RASA1: variants seen among roughly 807,000 people sequenced by gnomAD.
RASA1 encodes ras GTPase-activating protein 1.
In RASA1, 25 loss-of-function variants were observed where a neutral mutation model predicts 132.2. That is an observed-to-expected ratio of 0.19 (90% CI 0.14 to 0.26). The LOEUF is 0.26. RASA1 is among the 10% of genes least tolerant of loss of function. RASA1 has a pLI of 1.00. For synonymous variants in RASA1, 477 were observed against 449.9 expected, an observed-to-expected ratio of 1.06 and a Z score of -0.76; for missense variants, 964 against 1,299.2, an observed-to-expected ratio of 0.74 and a Z score of 3.97.
intron 1 of RASA1, among the ~76,000 whole-genome samples, chr5:87,318,014 A>T (rs867309056): frequency 1.3e-5 from 2 of 151,910 alleles, no homozygotes; most frequent in African/African-American, 4.8e-5. Context: ...CCTTTATAAT[A>T]GATAGTTGTA....
rs530867933 is a variant in RASA1, at chr5:87,380,957, G to A, written c.2690+362G>A. ...AGAAGGGCAGTAATTGACCGATTTA[G>A]ATATTAATTGGTTTGTTACAATCTG... On this transcript the variant is annotated intron_variant, in intron 20 of 24. Transcript: ENST00000274376. Among the ~76,000 whole-genome samples the A allele has an allele frequency of 1.3e-4, 20 of 152,290 alleles. No individual in the cohort carries two copies. The South Asian group carries it at 4.1e-3, about 32-fold the overall frequency.
chr5:87,302,525 A>G (rs905753381), intron 1 of RASA1, among the ~76,000 whole-genome samples: 5 of 151,140 alleles, frequency 3.3e-5, no homozygotes, highest in Non-Finnish European at 7.4e-5. Context: ...AGTTAATTTT[A>G]TCAGTTTTTT....
At chr5:87,305,228 A>G (rs1755554979) in intron 1 of RASA1, among the ~76,000 whole-genome samples, 1 of 152,128 alleles carries the variant, frequency 6.6e-6, no homozygotes, top group Non-Finnish European at 1.5e-5. Flanking sequence ...TGGAGGCATC[A>G]TGCTACCCAA....
intron 9 of RASA1, among the ~76,000 whole-genome samples, chr5:87,357,686 C>G (rs762375178): frequency 6.7e-6 from 1 of 150,300 alleles, no homozygotes; most frequent in Non-Finnish European, 1.5e-5. Flanking sequence ...GACTGGGAGA[C>G]AGAACGAGAT....
rs753218643 is a variant in RASA1 at position 87,390,892 on chromosome 5, GC to G, written c.*13del. ...CCAATGATGTCAGGTAGCAGCCTTC[GC>G]CCCAGTGTTCTGCATGGATTCAGCA... On this transcript the variant is annotated 3_prime_UTR_variant, in exon 25 of 25. Coordinates refer to ENST00000274376, the MANE Select transcript of RASA1 (RefSeq NM_002890.3). 2.5e-6 allele frequency: 4 copies of G among 1,601,896 alleles called. No individual in the cohort carries two copies. In the Admixed American group the frequency reaches 5.0e-5, roughly 20 times the overall value.
chr5:87,370,621 CTG>C (rs1491415920), intron 12 of RASA1, among the ~76,000 whole-genome samples: 12 of 152,140 alleles, frequency 7.9e-5, no homozygotes, highest in Non-Finnish European at 1.3e-4. Flanking sequence ...GATCGAGACA[CTG>C]TAAGCCAGCC....
Position 87,368,797 on chromosome 5 carries a change from T to C in RASA1, c.1611-1016T>C, listed in dbSNP as rs16902634. ...TGGCAACTGCCTTGAACGGAAAAGA[T>C]GTGGAGAATGTCGGGTTAATTATAG... On this transcript the variant is annotated intron_variant, in intron 11 of 24. Coordinates refer to ENST00000274376, the MANE Select transcript of RASA1 (RefSeq NM_002890.3). Among the ~76,000 whole-genome samples, 1,358 of 152,306 alleles carry C rather than the reference T, an allele frequency of 8.9e-3. 62 individuals carry two copies. Among genetic ancestry groups the C allele is most frequent in the Admixed American group, 0.064 (976 of 15,280 alleles).
chr5:87,307,532 C>G (rs1755675684), intron 1 of RASA1, among the ~76,000 whole-genome samples: 1 of 152,154 alleles, frequency 6.6e-6, no homozygotes, highest in Non-Finnish European at 1.5e-5. Context: ...ATATTTAGCT[C>G]TTAATTTTAC....
At chr5:87,297,292 G>GT (rs1561263437) in intron 1 of RASA1, among the ~76,000 whole-genome samples, 1 of 152,156 alleles carries the variant, frequency 6.6e-6, no homozygotes, top group Non-Finnish European at 1.5e-5. Flanking sequence ...TCTTCAAGCT[G>GT]TTTTTTGCCT....
intron 1 of RASA1, chr5:87,269,205 A>G (rs1010196741): frequency 6.3e-7 from 1 of 1,587,492 alleles, no homozygotes; most frequent in South Asian, 1.1e-5. Context: ...CCTCTGGGAA[A>G]GTGTAAAGTC....
chr5:87,376,375 C>T lies in RASA1; in HGVS notation c.2012-18C>T, dbSNP rs536823135. 6.2e-7 allele frequency: 1 copy of T among 1,613,328 alleles called. No individual in the cohort carries two copies. The highest frequency in any genetic ancestry group is 1.7e-5 in the Admixed American group (1 of 59,980). On this transcript the variant is annotated intron_variant, in intron 15 of 24. Coordinates refer to ENST00000274376, the MANE Select transcript of RASA1 (RefSeq NM_002890.3). ...GTGTTCTCTTTTTAAACAATAATTG[C>T]TTGTTTTTCTTCCCAAGTATTTATG...
At chr5:87,322,924 G>A (rs1038210658) in intron 1 of RASA1, among the ~76,000 whole-genome samples, 12 of 152,222 alleles carry the variant, frequency 7.9e-5, no homozygotes, top group African/African-American at 2.4e-4. Context: ...AAGTGTGAGA[G>A]TGTCTGTGTG....
chr5:87,346,840 A>G, intron 7 of RASA1, 116 bp downstream of exon 7: 1 of 733,086 alleles, frequency 1.4e-6, no homozygotes, highest in Non-Finnish European at 2.3e-6. Context: ...GCATGTTATA[A>G]TTTCGTGTCC....
chr5:87,300,901 G>T (rs1297845672), intron 1 of RASA1, among the ~76,000 whole-genome samples: 1 of 152,178 alleles, frequency 6.6e-6, no homozygotes, highest in Non-Finnish European at 1.5e-5. Context: ...TCCTGTCTCT[G>T]ACCTTAGTGG....
At chr5:87,325,658 A>T (rs1161849524) in intron 1 of RASA1, among the ~76,000 whole-genome samples, 1 of 152,204 alleles carries the variant, frequency 6.6e-6, no homozygotes, top group Admixed American at 6.5e-5. Context: ...CAAAAGGAAA[A>T]ACCAAGTGGA....
intron 19 of RASA1, among the ~76,000 whole-genome samples, 169 bp downstream of exon 19, chr5:87,380,019 T>TA (rs1761598835): frequency 6.6e-6 from 1 of 152,198 alleles, no homozygotes; most frequent in Non-Finnish European, 1.5e-5. Context: ...GCTGTCTTAA[T>TA]AAAACCACCC....
intron 1 of RASA1, among the ~76,000 whole-genome samples, chr5:87,292,499 G>T (rs1754952437): frequency 6.6e-6 from 1 of 151,344 alleles, no homozygotes; most frequent in Admixed American, 6.6e-5. Flanking sequence ...TCTGTTTCTG[G>T]GTTTCCTGTT....
At chr5:87,333,370 T>C in intron 4 of RASA1, 33 bp downstream of exon 4, 2 of 1,609,350 alleles carry the variant, frequency 1.2e-6, no homozygotes, top group Non-Finnish European at 1.7e-6. Context: ...GTATAGGCAT[T>C]TGAAAGAGCT....
chr5:87,296,590 A>G (rs1755129078), intron 1 of RASA1, among the ~76,000 whole-genome samples: 1 of 150,278 alleles, frequency 6.7e-6, no homozygotes, highest in Non-Finnish European at 1.5e-5. Flanking sequence ...ATAAATTTTT[A>G]GGTTCATGTT....
Sources: allele counts gnomAD v4.1 joint callset (sites outside exome capture counted in the v4.1 genomes callset), GRCh38; gene constraint gnomAD v4.1.1; transcripts MANE v1.5; gene names NCBI Gene and HGNC (gene_info 2026-07-23, HGNC 2026-07-21).